RBM25: variants seen among roughly 807,000 people sequenced by gnomAD.
The protein encoded by RBM25 is RNA-binding protein 25.
RBM25 carries 19 observed loss-of-function variants against 120.7 expected under a neutral mutation model. That is an observed-to-expected ratio of 0.16 (90% CI 0.11 to 0.23). The LOEUF (loss-of-function observed/expected upper bound fraction) is 0.23, where lower values mean the gene tolerates loss of function less well. RBM25 is among the 10% of genes least tolerant of loss of function. The pLI, the probability that RBM25 is intolerant of heterozygous loss-of-function variation, is 1.00. For synonymous variants in RBM25, 390 were observed against 326.7 expected, an observed-to-expected ratio of 1.19 and a Z score of -2.09; for missense variants, 605 against 1,041.5, an observed-to-expected ratio of 0.58 and a Z score of 5.77.
chr14:73,119,576 C>G (rs759127699), intron 18 of RBM25, 137 bp from the exon 19 acceptor site: 8 of 1,475,492 alleles, frequency 5.4e-6, no homozygotes, highest in Non-Finnish European at 6.3e-6. Flanking sequence ...CTAAAACAAC[C>G]TTAAAATCTT....
At chr14:73,116,330 A>G (rs545103668) in intron 18 of RBM25, among the ~76,000 whole-genome samples, 2 of 152,366 alleles carry the variant, frequency 1.3e-5, no homozygotes, top group Non-Finnish European at 1.5e-5. Context: ...ATGAAATGGT[A>G]GATGACTGGG....
chr14:73,109,649 C>T (rs8003701), intron 14 of RBM25, among the ~76,000 whole-genome samples, 157 bp downstream of exon 14: 2,443 of 152,146 alleles, frequency 0.016, 48 homozygotes, highest in East Asian at 0.048. Flanking sequence ...AAAGATTAGC[C>T]GGGTGTAGTG....
At chr14:73,095,994 T>C (rs922432972) in intron 6 of RBM25, among the ~76,000 whole-genome samples, 6 of 152,178 alleles carry the variant, frequency 3.9e-5, no homozygotes, top group African/African-American at 1.4e-4. Context: ...ATTATTATTA[T>C]TGAGATGGAG....
rs763086921 is a variant in RBM25 at position 73,102,167 on chromosome 14, T to C, written c.868-1025T>C. On this transcript the variant is annotated intron_variant, in intron 9 of 18. Coordinates refer to ENST00000261973, the MANE Select transcript of RBM25 (RefSeq NM_021239.3). ...CATTTTATTGTTGCAGTTTAAAATT[T>C]CATTTTGGTGAAACTAAACGTGAAA... is the stretch of plus-strand genomic sequence containing the variant. 1.3e-5 allele frequency: 2 copies of C among 152,250 alleles called. 1 individual carries two copies. The highest frequency in any genetic ancestry group is 2.9e-5 in the Non-Finnish European group (2 of 68,034). 9.4% of individuals were successfully genotyped at this position (152,250 alleles called of 1,614,324 possible).
intron 13 of RBM25, among the ~76,000 whole-genome samples, chr14:73,108,972 T>C (rs141948061): frequency 1.9e-3 from 283 of 152,378 alleles, no homozygotes; most frequent in African/African-American, 6.4e-3. Flanking sequence ...TCAGTGCTAC[T>C]AATGCTACTT....
intron 4 of RBM25, among the ~76,000 whole-genome samples, chr14:73,083,084 GA>G (rs1230844413): frequency 2.0e-5 from 3 of 150,634 alleles, no homozygotes; most frequent in Middle Eastern, 3.4e-3. Context: ...CGTCTCAAAA[GA>G]AAAAAAAATC....
intron 1 of RBM25, among the ~76,000 whole-genome samples, chr14:73,059,789 A>C (rs1360511680): frequency 6.6e-6 from 1 of 152,182 alleles, no homozygotes. Flanking sequence ...AATTCATTTA[A>C]CTTAAAGCCT....
chr14:73,104,455 G>C (rs1896137368), intron 10 of RBM25, among the ~76,000 whole-genome samples: 1 of 148,954 alleles, frequency 6.7e-6, no homozygotes, highest in African/African-American at 2.5e-5. Flanking sequence ...TGCAACCTTT[G>C]CCTCCCAGGC....
At chr14:73,095,989 T>C (rs1443102959) in intron 6 of RBM25, among the ~76,000 whole-genome samples, 1 of 152,062 alleles carries the variant, frequency 6.6e-6, no homozygotes, top group African/African-American at 2.4e-5. Context: ...TAATAATTAT[T>C]ATTATTGAGA....
chr14:73,093,162 GA>G (rs1450324738), intron 6 of RBM25, among the ~76,000 whole-genome samples: 1 of 152,174 alleles, frequency 6.6e-6, no homozygotes, highest in Non-Finnish European at 1.5e-5. Context: ...ACAAGTGCTG[GA>G]AAAACAGTTA....
chr14:73,112,597 C>T (rs1461774539), intron 17 of RBM25, among the ~76,000 whole-genome samples: 2 of 151,954 alleles, frequency 1.3e-5, no homozygotes, highest in African/African-American at 4.8e-5. Flanking sequence ...TTCTTCTTGT[C>T]TTGGTTGGAA....
intron 1 of RBM25, among the ~76,000 whole-genome samples, chr14:73,060,237 CTATG>C (rs1343807942): frequency 6.6e-6 from 1 of 151,430 alleles, no homozygotes; most frequent in Non-Finnish European, 1.5e-5. Context: ...CGAGGTTTCA[CTATG>C]TTGGCCAGAA....
chr14:73,104,457 C>T (rs199695195), intron 10 of RBM25, among the ~76,000 whole-genome samples: 2 of 151,606 alleles, frequency 1.3e-5, no homozygotes. Context: ...CAACCTTTGC[C>T]TCCCAGGCTT....
At chr14:73,113,452 G>T (rs2140464427) in intron 17 of RBM25, among the ~76,000 whole-genome samples, 1 of 151,804 alleles carries the variant, frequency 6.6e-6, no homozygotes, top group African/African-American at 2.4e-5. Context: ...CGCACTTTGG[G>T]AGGCCAATGG....
chr14:73,111,006 C>T lies in RBM25; in HGVS notation c.1868C>T (p.Ala623Val), dbSNP rs989522561. The T allele has an allele frequency of 5.0e-6, 8 of 1,614,040 alleles. No homozygotes were observed. Among genetic ancestry groups the T allele is most frequent in the Non-Finnish European group, 6.8e-6 (8 of 1,180,004 alleles). The change falls in exon 15 of 19, where the codon GCT becomes GTT. Residue 623 changes from alanine (A) to valine (V), a missense_variant. This residue lies in a region of RBM25 where 465 missense variants were observed against 741.6 expected (regional missense o/e 0.63). Coordinates refer to ENST00000261973, the MANE Select transcript of RBM25 (RefSeq NM_021239.3). ...CCTACTCTGAGGCCCATCAGCTCTGCTCCATCTGTTTCCTCTGCCAGTGGC... is the reference window on the plus strand; with the variant it reads ...CCTACTCTGAGGCCCATCAGCTCTGTTCCATCTGTTTCCTCTGCCAGTGGC... ...LKPTLRPISS[A>V]PSVSSASGNA...
intron 9 of RBM25, 27 bp from the exon 10 acceptor site, chr14:73,103,165 T>G (rs377568219): frequency 2.5e-5 from 40 of 1,599,196 alleles, no homozygotes; most frequent in Non-Finnish European, 3.3e-5. Flanking sequence ...CAGAGTTAAC[T>G]CTAAAAGTGC....
intron 4 of RBM25, among the ~76,000 whole-genome samples, chr14:73,077,994 T>C (rs1319151027): frequency 6.6e-6 from 1 of 151,724 alleles, no homozygotes; most frequent in Non-Finnish European, 1.5e-5. Context: ...TCGAGACACA[T>C]CTTTACAAAA....
chr14:73,107,721 T>G (rs1462622766), intron 12 of RBM25, 105 bp from the exon 13 acceptor site: 1 of 801,916 alleles, frequency 1.2e-6, no homozygotes, highest in East Asian at 2.5e-5. Context: ...TCCCTCTTAC[T>G]CTTGGTTTAT....
At chr14:73,089,509 C>G (rs904839713) in intron 6 of RBM25, among the ~76,000 whole-genome samples, 1 of 151,844 alleles carries the variant, frequency 6.6e-6, no homozygotes, top group Non-Finnish European at 1.5e-5. Flanking sequence ...CATCCACCAC[C>G]ACGTTCAGCA....
Sources: allele counts gnomAD v4.1 joint callset (sites outside exome capture counted in the v4.1 genomes callset), GRCh38; gene constraint gnomAD v4.1.1; regional missense constraint gnomAD v4.1.1; transcripts MANE v1.5; gene names NCBI Gene and HGNC (gene_info 2026-07-23, HGNC 2026-07-21).